The following MAPK10 variants were observed in gnomAD, a reference collection of about 807,000 sequenced individuals.
The protein encoded by MAPK10 is JNK3 alpha protein kinase.
A neutral mutation model predicts 59.3 loss-of-function variants in MAPK10; 25 were observed. That is an observed-to-expected ratio of 0.42 (90% CI 0.31 to 0.59). The LOEUF (loss-of-function observed/expected upper bound fraction) is 0.59. Among genes scored for constraint, MAPK10 ranks in the 20% least tolerant of loss-of-function variants. The pLI is 0.15. For missense variants in MAPK10, 351 were observed against 568.9 expected (o/e 0.62, Z 3.90); for synonymous variants, 190 against 200.5 (o/e 0.95, Z 0.44).
chr4:86,567,511 C>T (rs1377336577), intron 1 of MAPK10, among the ~76,000 whole-genome samples: 2 of 152,172 alleles, frequency 1.3e-5, no homozygotes, highest in African/African-American at 4.8e-5. Context: ...TGAGCCACCA[C>T]ACCTGGCTGA....
At chr4:86,185,099 G>C (rs140105469) in intron 3 of MAPK10, among the ~76,000 whole-genome samples, 74 of 152,224 alleles carry the variant, frequency 4.9e-4, no homozygotes, top group African/African-American at 1.6e-3. Flanking sequence ...ACTTGGCATC[G>C]TTAAACTTTG....
At chr4:86,201,954 C>A (rs2082714820) in intron 2 of MAPK10, among the ~76,000 whole-genome samples, 1 of 151,776 alleles carries the variant, frequency 6.6e-6, no homozygotes, top group Non-Finnish European at 1.5e-5. Flanking sequence ...CCTCTCCAAT[C>A]CTTTGAGCTA....
At chr4:86,251,421 C>T (rs941788821) in intron 2 of MAPK10, among the ~76,000 whole-genome samples, 15 of 148,520 alleles carry the variant, frequency 1.0e-4, no homozygotes, top group East Asian at 4.0e-4. Flanking sequence ...TGAGAATATG[C>T]GGTGTTTGGT....
intron 2 of MAPK10, among the ~76,000 whole-genome samples, chr4:86,200,262 T>C (rs2082307535): frequency 1.3e-5 from 2 of 151,970 alleles, no homozygotes; most frequent in African/African-American, 2.4e-5. Flanking sequence ...AAAATGCATA[T>C]ATCCCTGAAA....
intron 1 of MAPK10, among the ~76,000 whole-genome samples, chr4:86,374,412 A>C (rs1211353331): frequency 1.3e-5 from 2 of 152,210 alleles, no homozygotes; most frequent in African/African-American, 2.4e-5. Flanking sequence ...TAATAAAAAA[A>C]AAATTTTTAA....
intron 1 of MAPK10, among the ~76,000 whole-genome samples, chr4:86,393,190 T>C (rs1443219046): frequency 6.6e-6 from 1 of 152,202 alleles, no homozygotes; most frequent in Non-Finnish European, 1.5e-5. Flanking sequence ...GAACGGTTTT[T>C]ACCCCCAAGC....
intron 9 of MAPK10, among the ~76,000 whole-genome samples, chr4:86,072,441 T>C (rs2048249720): frequency 2.2e-5 from 3 of 139,380 alleles, no homozygotes; most frequent in Admixed American, 2.1e-4. Flanking sequence ...TGAATAGGAG[T>C]GGTGAGAGAG....
chr4:86,452,521 G>GCACACA (rs140253045), intron 1 of MAPK10, among the ~76,000 whole-genome samples: 3 of 148,102 alleles, frequency 2.0e-5, no homozygotes, highest in South Asian at 4.3e-4. Flanking sequence ...CAATGCGCAC[G>GCACACA]CACACACACA....
chr4:86,221,233 A>C (rs1563252627), intron 2 of MAPK10, among the ~76,000 whole-genome samples: 1 of 152,180 alleles, frequency 6.6e-6, no homozygotes, highest in East Asian at 1.9e-4. Context: ...ATCCTGAGCA[A>C]TCACCTCAAG....
At chr4:86,567,378 G>A (rs1761132942) in intron 1 of MAPK10, among the ~76,000 whole-genome samples, 1 of 152,050 alleles carries the variant, frequency 6.6e-6, no homozygotes, top group East Asian at 1.9e-4. Context: ...GCACCACCAC[G>A]CTTGGCTAAT....
chr4:86,320,961 G>A (rs1375462624), intron 2 of MAPK10, among the ~76,000 whole-genome samples: 1 of 140,642 alleles, frequency 7.1e-6, no homozygotes, highest in Admixed American at 7.0e-5. Context: ...AGACAATTAT[G>A]CAGCCAAAAA....
chr4:86,166,715 C>T (rs528129031), intron 3 of MAPK10, among the ~76,000 whole-genome samples: 2 of 152,278 alleles, frequency 1.3e-5, no homozygotes, highest in East Asian at 1.9e-4. Flanking sequence ...CACTTTCCAC[C>T]TCCCTTGCAG....
chr4:86,452,536 C>G (rs569758446), intron 1 of MAPK10, among the ~76,000 whole-genome samples: 10 of 152,268 alleles, frequency 6.6e-5, no homozygotes, highest in African/African-American at 2.2e-4. Context: ...CACACACACA[C>G]ACACGCAAGT....
intron 9 of MAPK10, chr4:86,082,067 G>A (rs555159112): frequency 5.9e-5 from 9 of 152,142 alleles, no homozygotes; most frequent in South Asian, 2.1e-4. Flanking sequence ...ACAAGATAAC[G>A]ATGACAGTAT....
chr4:86,135,013 C>T (rs185174356), intron 4 of MAPK10, among the ~76,000 whole-genome samples: 142 of 152,324 alleles, frequency 9.3e-4, no homozygotes, highest in African/African-American at 2.8e-3. Flanking sequence ...GATTATATCC[C>T]GCACGTGGCT....
At chr4:86,470,499 T>G (rs1208744046) in intron 1 of MAPK10, among the ~76,000 whole-genome samples, 2 of 152,206 alleles carry the variant, frequency 1.3e-5, no homozygotes, top group East Asian at 3.8e-4. Flanking sequence ...AATAAATATT[T>G]GCTTTCCTAT....
chr4:86,397,609 G>A (rs966016975), intron 1 of MAPK10, among the ~76,000 whole-genome samples: 1 of 151,944 alleles, frequency 6.6e-6, no homozygotes, highest in Non-Finnish European at 1.5e-5. Context: ...CTGGGCTTCC[G>A]GGTGTGAGAT....
chr4:86,562,531 A>T (rs1760753591), intron 1 of MAPK10, among the ~76,000 whole-genome samples: 1 of 151,942 alleles, frequency 6.6e-6, no homozygotes, highest in Non-Finnish European at 1.5e-5. Flanking sequence ...TCAGTAAATA[A>T]ATAAATTAAT....
chr4:86,447,799 T>C (rs981374237), intron 1 of MAPK10, among the ~76,000 whole-genome samples: 2 of 152,216 alleles, frequency 1.3e-5, no homozygotes, highest in Non-Finnish European at 2.9e-5. Context: ...AAAATACATA[T>C]ATGTGTGTAT....
Sources: allele counts gnomAD v4.1 joint callset (sites outside exome capture counted in the v4.1 genomes callset), GRCh38; gene constraint gnomAD v4.1.1; transcripts MANE v1.5; gene names NCBI Gene and HGNC (gene_info 2026-07-23, HGNC 2026-07-21).